CPNE8: variants seen among roughly 807,000 people sequenced by gnomAD.
CPNE8 encodes copine-8.
Under a neutral mutation model 81.5 loss-of-function variants are expected in CPNE8, and 45 were observed. The ratio of observed to expected loss-of-function variants is 0.55; its 90% CI spans 0.44 to 0.71. The LOEUF (loss-of-function observed/expected upper bound fraction) is 0.71. Among genes scored for constraint, CPNE8 ranks in the 30% least tolerant of loss-of-function variants. The probability of loss-of-function intolerance (pLI) is 0.00; values close to 1 mark genes in which losing one functional copy is unlikely to be tolerated. For missense variants in CPNE8, 594 were observed against 672.1 expected, an observed-to-expected ratio of 0.88 and a Z score of 1.28; for synonymous variants, 252 against 226.3, an observed-to-expected ratio of 1.11 and a Z score of -1.02.
rs529884489 is a variant in CPNE8, at chr12:38,796,555, A to G, written c.408-20254T>C. 2.0e-5 allele frequency among the ~76,000 whole-genome samples: 3 copies of G among 152,266 alleles called. No individual in the cohort carries two copies. The East Asian group carries it at 5.8e-4, about 29-fold the overall frequency. ...AAAATAGTATCAAGACTATATAAAA[A>G]AGGGAGGCAGCCAAGATGGCCGAAT... On this transcript the variant is annotated intron_variant, in intron 6 of 19. Transcript: ENST00000331366.
chr12:38,859,987 T>C (rs1388628543), intron 3 of CPNE8, among the ~76,000 whole-genome samples: 2 of 152,120 alleles, frequency 1.3e-5, no homozygotes, highest in Admixed American at 6.5e-5. Context: ...AAAAGTTTCA[T>C]GACATTGGTC....
chr12:38,883,931 A>G (rs1376473233), intron 1 of CPNE8, among the ~76,000 whole-genome samples: 3 of 152,214 alleles, frequency 2.0e-5, no homozygotes, highest in Admixed American at 1.3e-4. Flanking sequence ...AGGCGTCCCT[A>G]GGCCTACGGC....
chr12:38,761,064 A>G (rs1941562088), intron 9 of CPNE8, among the ~76,000 whole-genome samples, 176 bp from the exon 10 acceptor site: 1 of 152,236 alleles, frequency 6.6e-6, no homozygotes, highest in South Asian at 2.1e-4. Context: ...TTCGCATCTT[A>G]AAAGAGGCTT....
chr12:38,700,558 G>A (rs748322125), intron 14 of CPNE8, among the ~76,000 whole-genome samples: 4 of 152,094 alleles, frequency 2.6e-5, no homozygotes, highest in Non-Finnish European at 4.4e-5. Flanking sequence ...TTTGTGGAGT[G>A]TTTTCAACAT....
intron 7 of CPNE8, among the ~76,000 whole-genome samples, chr12:38,775,814 T>C (rs911703688): frequency 2.6e-5 from 4 of 152,158 alleles, no homozygotes; most frequent in Non-Finnish European, 5.9e-5. Context: ...TCTGGATTAA[T>C]TAAATTAGAA....
intron 10 of CPNE8, among the ~76,000 whole-genome samples, chr12:38,737,312 C>G (rs1940978800): frequency 6.6e-6 from 1 of 151,908 alleles, no homozygotes; most frequent in Non-Finnish European, 1.5e-5. Context: ...AATGCCATCA[C>G]CTACTTTCCC....
intron 1 of CPNE8, among the ~76,000 whole-genome samples, chr12:38,893,805 T>G (rs1944346998): frequency 6.6e-6 from 1 of 152,220 alleles, no homozygotes; most frequent in South Asian, 2.1e-4. Flanking sequence ...ACTCTATATC[T>G]GCAATTGTTC....
chr12:38,884,641 T>A (rs1366376510), intron 1 of CPNE8, among the ~76,000 whole-genome samples: 1 of 152,212 alleles, frequency 6.6e-6, no homozygotes, highest in African/African-American at 2.4e-5. Context: ...TTATATTACA[T>A]TCCTACCAGC....
At chr12:38,854,143 T>C (rs1313411954) in intron 3 of CPNE8, among the ~76,000 whole-genome samples, 2 of 151,928 alleles carry the variant, frequency 1.3e-5, no homozygotes, top group East Asian at 3.9e-4. Context: ...AAATTTAATC[T>C]AAAACCGCAA....
At chr12:38,768,712 A>T (rs1297844753) in intron 7 of CPNE8, among the ~76,000 whole-genome samples, 1 of 151,332 alleles carries the variant, frequency 6.6e-6, no homozygotes, top group Non-Finnish European at 1.5e-5. Context: ...TTTTTTTAGC[A>T]GAGACGGGGT....
chr12:38,816,030 A>G (rs1311291802), intron 6 of CPNE8, among the ~76,000 whole-genome samples: 1 of 152,190 alleles, frequency 6.6e-6, no homozygotes, highest in Non-Finnish European at 1.5e-5. Flanking sequence ...CTATCTATCC[A>G]TCTACAGAAA....
intron 11 of CPNE8, 65 bp downstream of exon 11, chr12:38,730,218 A>T: frequency 2.0e-6 from 2 of 992,382 alleles, no homozygotes; most frequent in Non-Finnish European, 3.2e-6. Context: ...TGCAGAATCC[A>T]CACTTTTAAA....
chr12:38,815,207 T>G (rs1277299715), intron 6 of CPNE8, among the ~76,000 whole-genome samples: 1 of 152,200 alleles, frequency 6.6e-6, no homozygotes, highest in Non-Finnish European at 1.5e-5. Context: ...TCTGCAATGT[T>G]CTGTGACCCT....
chr12:38,793,509 AACC>A (rs1942378401), intron 6 of CPNE8, among the ~76,000 whole-genome samples: 1 of 151,928 alleles, frequency 6.6e-6, no homozygotes, highest in Non-Finnish European at 1.5e-5. Flanking sequence ...AAATAAACCT[AACC>A]AAGAAGTGAA....
intron 6 of CPNE8, among the ~76,000 whole-genome samples, chr12:38,798,778 A>T (rs974155444): frequency 3.3e-5 from 5 of 152,200 alleles, no homozygotes; most frequent in African/African-American, 1.2e-4. Flanking sequence ...CTCAAGATCC[A>T]TCAGTGTGCT....
intron 8 of CPNE8, among the ~76,000 whole-genome samples, chr12:38,764,294 G>A (rs1416734405): frequency 6.6e-6 from 1 of 152,086 alleles, no homozygotes; most frequent in African/African-American, 2.4e-5. Flanking sequence ...AGAACACAGA[G>A]AAAAGGCAAA....
chr12:38,849,235 G>C (rs1943604037), intron 3 of CPNE8, among the ~76,000 whole-genome samples: 1 of 152,076 alleles, frequency 6.6e-6, no homozygotes, highest in African/African-American at 2.4e-5. Flanking sequence ...TATACTTCTT[G>C]CATCTTTTAA....
intron 1 of CPNE8, among the ~76,000 whole-genome samples, chr12:38,896,916 C>G (rs1204073351): frequency 6.6e-6 from 1 of 152,056 alleles, no homozygotes; most frequent in Non-Finnish European, 1.5e-5. Flanking sequence ...GCTGAAGAAC[C>G]TGGGATAAGA....
intron 1 of CPNE8, among the ~76,000 whole-genome samples, chr12:38,892,554 A>G (rs986727568): frequency 3.9e-5 from 6 of 152,216 alleles, no homozygotes; most frequent in African/African-American, 1.2e-4. Context: ...TACCGAAACC[A>G]TTCATAAAGC....
Sources: gnomAD v4.1 joint callset for allele counts (sites outside exome capture counted in the v4.1 genomes callset) on GRCh38, gnomAD v4.1.1 for gene constraint, MANE v1.5 for transcripts, NCBI Gene and HGNC (gene_info 2026-07-23, HGNC 2026-07-21) for gene names.